The following ATXN7L1 variants were observed in gnomAD, a reference collection of about 807,000 sequenced individuals.
ATXN7L1 encodes the protein ataxin 7 like 1.
In ATXN7L1, 15 loss-of-function variants were observed where a neutral mutation model predicts 70.8. The ratio of observed to expected loss-of-function variants is 0.21; its 90% CI spans 0.14 to 0.33. The LOEUF is 0.33. ATXN7L1 is among the 10% of genes least tolerant of loss of function. The pLI, the probability that ATXN7L1 is intolerant of heterozygous loss-of-function variation, is 1.00. For synonymous variants in ATXN7L1, 440 were observed against 445.1 expected, an observed-to-expected ratio of 0.99 and a Z score of 0.14; for missense variants, 975 against 1,097.1, an observed-to-expected ratio of 0.89 and a Z score of 1.57.
In ATXN7L1 at chr7:105,717,094, C is replaced by T. The variant is rs556563730; in HGVS notation, c.356-51806G>A. Among the ~76,000 whole-genome samples, 7 of 152,122 alleles carry T rather than the reference C, an allele frequency of 4.6e-5. No homozygotes were observed. In the East Asian group the frequency reaches 9.7e-4, roughly 21 times the overall value. ...CATTGTTTTAAATGCTGTTTCCCCC[C>T]ACTTTTCACATTATAAACATTTTTT... On this transcript the variant is annotated intron_variant, in intron 3 of 11. Transcript: ENST00000419735.
intron 3 of ATXN7L1, among the ~76,000 whole-genome samples, chr7:105,718,880 G>C (rs974036748): frequency 1.3e-5 from 2 of 152,190 alleles, no homozygotes; most frequent in African/African-American, 4.8e-5. Context: ...GCTTGGGAGA[G>C]AGGATTTATC....
chr7:105,876,403 G>T lies in ATXN7L1; in HGVS notation c.156C>A (p.Asp52Glu). 6.2e-7 allele frequency: 1 copy of T among 1,610,636 alleles called. No homozygotes were observed. The highest frequency in any genetic ancestry group is 8.5e-7 in the Non-Finnish European group (1 of 1,178,284). ...FLGKPWSSWI[D>E]AAKLHCSDNV... ...TGTCGGAGCAGTGTAATTTGGCGGC[G>T]TCGATCCAGGAGGACCAGGGTTTGC... The change falls in exon 1 of 12, where the codon GAC becomes GAA. Residue 52 changes from aspartate (D) to glutamate (E), a missense_variant. Transcript: ENST00000419735.
rs1368670345 is a variant in ATXN7L1, at chr7:105,606,274, T to G, written c.*1578A>C. ...TCCTATAAGAAACACTCACTGTCAG[T>G]GCAATTCCATTGATGAAAATCACTC... On this transcript the variant is annotated 3_prime_UTR_variant, in exon 12 of 12. Transcript: ENST00000419735. 6.6e-6 allele frequency: 1 copy of G among 152,248 alleles called. No individual in the cohort carries two copies. The highest frequency in any genetic ancestry group is 6.5e-5 in the Admixed American group (1 of 15,288). The allele number at this position is 152,248 out of a possible 1,614,324, so 9.4% of individuals were successfully genotyped here.
intron 3 of ATXN7L1, among the ~76,000 whole-genome samples, chr7:105,693,011 C>T (rs1791217798): frequency 6.6e-6 from 1 of 152,124 alleles, no homozygotes; most frequent in African/African-American, 2.4e-5. Context: ...AGCCGTCATG[C>T]CCAGCAGAAA....
intron 2 of ATXN7L1, among the ~76,000 whole-genome samples, chr7:105,859,958 T>C (rs1816324613): frequency 6.7e-6 from 1 of 149,982 alleles, no homozygotes; most frequent in African/African-American, 2.4e-5. Flanking sequence ...AATTTTTGTA[T>C]TTTTAGTAGA....
chr7:105,846,485 T>A (rs753436271), intron 2 of ATXN7L1, among the ~76,000 whole-genome samples: 1 of 152,158 alleles, frequency 6.6e-6, no homozygotes. Context: ...GGTAAGGATA[T>A]AGAGAAATTA....
At chr7:105,646,754 T>C (rs946056081) in intron 4 of ATXN7L1, among the ~76,000 whole-genome samples, 2 of 131,242 alleles carry the variant, frequency 1.5e-5, no homozygotes, top group African/African-American at 3.1e-5. Context: ...GACAACACCG[T>C]GAGACCATGT....
intron 8 of ATXN7L1, among the ~76,000 whole-genome samples, chr7:105,623,813 G>A (rs961190371): frequency 2.6e-5 from 4 of 152,142 alleles, no homozygotes; most frequent in South Asian, 4.1e-4. Flanking sequence ...ATAAATACTC[G>A]GGATTATCCA....
At chr7:105,847,290 C>T (rs1280375421) in intron 2 of ATXN7L1, among the ~76,000 whole-genome samples, 1 of 152,056 alleles carries the variant, frequency 6.6e-6, no homozygotes, top group Non-Finnish European at 1.5e-5. Flanking sequence ...GGGAGTTGGC[C>T]ACTAGATTAA....
chr7:105,683,735 C>A (rs1312302236), intron 3 of ATXN7L1, among the ~76,000 whole-genome samples: 5 of 152,034 alleles, frequency 3.3e-5, no homozygotes, highest in African/African-American at 1.2e-4. Context: ...ACCAATGCCA[C>A]CACACACAAA....
chr7:105,635,696 T>C (rs1002118231), intron 7 of ATXN7L1, among the ~76,000 whole-genome samples: 3 of 152,204 alleles, frequency 2.0e-5, no homozygotes, highest in Non-Finnish European at 2.9e-5. Flanking sequence ...CTGACAAGAA[T>C]GGGTTGCAAT....
chr7:105,719,090 T>C (rs530105618), intron 3 of ATXN7L1, among the ~76,000 whole-genome samples: 4 of 152,230 alleles, frequency 2.6e-5, no homozygotes, highest in African/African-American at 9.6e-5. Context: ...CCTATTAAAA[T>C]GGAATGATTC....
chr7:105,700,681 CTATTAT>C (rs916149892), intron 3 of ATXN7L1, among the ~76,000 whole-genome samples: 2 of 151,718 alleles, frequency 1.3e-5, no homozygotes, highest in African/African-American at 2.4e-5. Flanking sequence ...TGCCTTTGCT[CTATTAT>C]TATTATTATT....
At chr7:105,843,959 T>G (rs1002762563) in intron 2 of ATXN7L1, among the ~76,000 whole-genome samples, 1 of 152,182 alleles carries the variant, frequency 6.6e-6, no homozygotes, top group African/African-American at 2.4e-5. Flanking sequence ...AGATGTCAAC[T>G]GAAGCTACAG....
intron 4 of ATXN7L1, among the ~76,000 whole-genome samples, chr7:105,660,576 CTTTTTTTTTTTTTT>C (rs34008024): frequency 5.1e-5 from 4 of 78,140 alleles, no homozygotes; most frequent in Non-Finnish European, 9.0e-5. Context: ...CGGAAGTGAC[CTTTTTTTTTTTTTT>C]TTTTTTTTTT....
chr7:105,732,904 TC>T (rs1345123480), intron 3 of ATXN7L1, among the ~76,000 whole-genome samples: 4 of 152,204 alleles, frequency 2.6e-5, no homozygotes, highest in African/African-American at 9.7e-5. Flanking sequence ...GGAATGTTAC[TC>T]CCCTAAAAAA....
At chr7:105,759,500 G>A (rs1162164299) in intron 3 of ATXN7L1, among the ~76,000 whole-genome samples, 2 of 149,738 alleles carry the variant, frequency 1.3e-5, no homozygotes, top group African/African-American at 4.9e-5. Context: ...GTATGTCAGA[G>A]TGACCTATCC....
At chr7:105,726,328 C>A (rs193136633) in intron 3 of ATXN7L1, among the ~76,000 whole-genome samples, 1 of 152,314 alleles carries the variant, frequency 6.6e-6, no homozygotes, top group East Asian at 1.9e-4. Context: ...ATACCTCTGG[C>A]CTGTGGCAGG....
At chr7:105,670,183 C>G (rs984344306) in intron 3 of ATXN7L1, among the ~76,000 whole-genome samples, 3 of 152,182 alleles carry the variant, frequency 2.0e-5, no homozygotes, top group Admixed American at 6.5e-5. Context: ...AGGGTCTTAT[C>G]TTTTGCAAAA....
Sources: gnomAD v4.1 joint callset for allele counts (sites outside exome capture counted in the v4.1 genomes callset) on GRCh38, gnomAD v4.1.1 for gene constraint, MANE v1.5 for transcripts, NCBI Gene and HGNC (gene_info 2026-07-23, HGNC 2026-07-21) for gene names.